The following LRP1B variants were observed in gnomAD, a reference collection of about 807,000 sequenced individuals.
The protein encoded by LRP1B is low-density lipoprotein receptor-related protein 1B.
LRP1B carries 217 observed loss-of-function variants against 556.6 expected under a neutral mutation model. That is an observed-to-expected ratio of 0.39 (90% confidence interval 0.35 to 0.44). The LOEUF (loss-of-function observed/expected upper bound fraction) is 0.44. Ranked by LOEUF, LRP1B falls within the 20% of genes least tolerant of loss-of-function variation. The pLI is 1.00. For synonymous variants in LRP1B, 2,047 were observed against 1,865.8 expected (o/e 1.10, Z -2.50); for missense variants, 5,053 against 5,620.8 (o/e 0.90, Z 3.23).
intron 28 of LRP1B, among the ~76,000 whole-genome samples, chr2:140,851,256 G>C (rs1333253440): frequency 6.6e-6 from 1 of 151,982 alleles, no homozygotes; most frequent in Non-Finnish European, 1.5e-5. Context: ...TGATGCTAGA[G>C]TGACTTTAGA....
intron 2 of LRP1B, among the ~76,000 whole-genome samples, chr2:141,613,095 A>G (rs1326032832): frequency 1.3e-5 from 2 of 152,018 alleles, no homozygotes; most frequent in African/African-American, 4.8e-5. Flanking sequence ...GGCATGAGCC[A>G]CCGCACCTGG....
At chr2:141,779,418 A>AT (rs1695173468) in intron 2 of LRP1B, among the ~76,000 whole-genome samples, 1 of 137,702 alleles carries the variant, frequency 7.3e-6, no homozygotes, top group Admixed American at 7.6e-5. Context: ...CAAAATAAAA[A>AT]CTTTTTTTTT....
At chr2:140,389,995 T>G (rs1310494428) in intron 66 of LRP1B, among the ~76,000 whole-genome samples, 1 of 151,908 alleles carries the variant, frequency 6.6e-6, no homozygotes, top group African/African-American at 2.4e-5. Flanking sequence ...CCAGGTGTGG[T>G]GGCATGTGCC....
At chr2:141,119,762 C>A (rs1403096144) in intron 7 of LRP1B, among the ~76,000 whole-genome samples, 1 of 151,034 alleles carries the variant, frequency 6.6e-6, no homozygotes, top group Non-Finnish European at 1.5e-5. Context: ...TAATTCAACT[C>A]AACTCAGAAA....
chr2:140,405,479 A>G lies in LRP1B; in HGVS notation c.10415-19470T>C, dbSNP rs553645880. On this transcript the variant is annotated intron_variant, in intron 66 of 90. Transcript: ENST00000389484. ...AATCATTAGGGAGATTAACCAAGAA[A>G]AGAAGAGAAAAGATCCAAATAAGCT... 3.9e-5 allele frequency among the ~76,000 whole-genome samples: 6 copies of G among 152,322 alleles called. No individual in the cohort carries two copies. In the East Asian group the frequency reaches 7.7e-4, roughly 20 times the overall value.
chr2:141,148,136 T>C (rs1170212780), intron 7 of LRP1B, among the ~76,000 whole-genome samples: 1 of 152,122 alleles, frequency 6.6e-6, no homozygotes, highest in Non-Finnish European at 1.5e-5. Context: ...GCAATATCCA[T>C]TCAGGAATAG....
chr2:141,924,296 G>C (rs918162099), intron 1 of LRP1B, among the ~76,000 whole-genome samples: 4 of 152,068 alleles, frequency 2.6e-5, no homozygotes, highest in Admixed American at 2.6e-4. Context: ...GAGTTTGGCT[G>C]CTTGATAGCC....
chr2:141,860,115 C>T (rs1698190570), intron 1 of LRP1B, among the ~76,000 whole-genome samples: 1 of 152,146 alleles, frequency 6.6e-6, no homozygotes, highest in Non-Finnish European at 1.5e-5. Context: ...CTCAATTTAT[C>T]CTGCCTACTG....
At chr2:141,920,270 C>CTTTTTTTTTATTTTTTTTTTT (rs57106513) in intron 1 of LRP1B, among the ~76,000 whole-genome samples, 1 of 87,602 alleles carries the variant, frequency 1.1e-5, no homozygotes, top group Non-Finnish European at 2.2e-5. Context: ...TTTTTTTCTT[C>CTTTTTTTTTATTTTTTTTTTT]TTTTTTTTTG....
chr2:140,980,484 A>C (rs1242309348), intron 18 of LRP1B, among the ~76,000 whole-genome samples: 1 of 152,178 alleles, frequency 6.6e-6, no homozygotes, highest in African/African-American at 2.4e-5. Flanking sequence ...GTGGTTCTCT[A>C]GTGCTTTCTT....
chr2:141,079,778 A>C (rs926642577), intron 7 of LRP1B, among the ~76,000 whole-genome samples: 35 of 152,194 alleles, frequency 2.3e-4, no homozygotes, highest in African/African-American at 8.4e-4. Context: ...GTCAAAGATG[A>C]TCTCATTGAT....
chr2:141,826,428 C>T (rs997078225), intron 1 of LRP1B, among the ~76,000 whole-genome samples: 3 of 139,162 alleles, frequency 2.2e-5, no homozygotes, highest in Non-Finnish European at 4.5e-5. Flanking sequence ...GGCGCCATCT[C>T]GGCTCACTGC....
At chr2:141,786,893 G>A (rs1695445424) in intron 2 of LRP1B, among the ~76,000 whole-genome samples, 1 of 151,888 alleles carries the variant, frequency 6.6e-6, no homozygotes. Context: ...CATACATTGA[G>A]ATGACTATAT....
chr2:141,036,717 C>A (rs752481374), intron 11 of LRP1B, among the ~76,000 whole-genome samples: 12 of 152,006 alleles, frequency 7.9e-5, no homozygotes, highest in Non-Finnish European at 1.6e-4. Flanking sequence ...TAGTGTATTG[C>A]TTGGAAATGG....
chr2:142,094,954 T>C (rs1706305937), intron 1 of LRP1B, among the ~76,000 whole-genome samples: 1 of 151,832 alleles, frequency 6.6e-6, no homozygotes, highest in Non-Finnish European at 1.5e-5. Context: ...TTCCATCTTA[T>C]GTATACCAAA....
intron 41 of LRP1B, among the ~76,000 whole-genome samples, chr2:140,649,744 A>ACGG (rs1684609627): frequency 6.6e-6 from 1 of 152,248 alleles, no homozygotes; most frequent in African/African-American, 2.4e-5. Flanking sequence ...CCAAACTATA[A>ACGG]GAATTAGGAC....
At chr2:141,824,357 G>A (rs1574402102) in intron 1 of LRP1B, among the ~76,000 whole-genome samples, 1 of 152,156 alleles carries the variant, frequency 6.6e-6, no homozygotes, top group Non-Finnish European at 1.5e-5. Context: ...CAAAAAGCCT[G>A]TTCTCATAAC....
At chr2:142,076,231 C>A (rs1258565146) in intron 1 of LRP1B, among the ~76,000 whole-genome samples, 1 of 151,982 alleles carries the variant, frequency 6.6e-6, no homozygotes, top group Non-Finnish European at 1.5e-5. Context: ...AGATGTGGAC[C>A]ACAATATGTT....
chr2:140,292,247 G>C (rs914831003), intron 84 of LRP1B, among the ~76,000 whole-genome samples: 1 of 152,090 alleles, frequency 6.6e-6, no homozygotes, highest in Non-Finnish European at 1.5e-5. Context: ...AATCTCAAAG[G>C]GTTGTGTGAG....
Sources: gnomAD v4.1 joint callset for allele counts (sites outside exome capture counted in the v4.1 genomes callset) on GRCh38, gnomAD v4.1.1 for gene constraint, MANE v1.5 for transcripts, NCBI Gene and HGNC (gene_info 2026-07-23, HGNC 2026-07-21) for gene names.